P3H1: variants seen among roughly 807,000 people sequenced by gnomAD.
P3H1 encodes the protein prolyl 3-hydroxylase 1.
In P3H1, 69 loss-of-function variants were observed where a neutral mutation model predicts 84.0. That is an observed-to-expected ratio of 0.82 (90% CI 0.68 to 1.00). P3H1 has a LOEUF of 1.00. P3H1 is among the 50% of genes least tolerant of loss of function. P3H1 has a pLI of 0.00. For synonymous variants in P3H1, 366 were observed against 388.8 expected (o/e 0.94, Z 0.69); for missense variants, 878 against 962.8 (o/e 0.91, Z 1.17).
chr1:42,758,793 A>C (rs1294883087), intron 4 of P3H1, 59 bp downstream of exon 4: 1 of 1,601,500 alleles, frequency 6.2e-7, no homozygotes, highest in Non-Finnish European at 8.6e-7. Context: ...ATCCCTGCCC[A>C]CCTTGCCTTT....
At position 42,754,820 on chromosome 1, in the gene P3H1, C is replaced by T. The variant is rs774411813; in HGVS notation, c.1345+49G>A. ...TGCCTGGCAAATGTGGGGTGACCTG[C>T]CTGGCTCCCTGACAACAGCCAGACA... On this transcript the variant is annotated intron_variant, in intron 8 of 14. Coordinates refer to ENST00000296388, the MANE Select transcript of P3H1 (RefSeq NM_022356.4). The surrounding 1 kb of genome is among the most constrained non-coding windows in gnomAD (Gnocchi z 4.0). The T allele has an allele frequency of 1.2e-6, 2 of 1,613,368 alleles. No homozygotes were observed. The highest frequency in any genetic ancestry group is 2.2e-5 in the South Asian group (2 of 90,978).
intron 12 of P3H1, among the ~76,000 whole-genome samples, 160 bp downstream of exon 12, chr1:42,748,040 A>T (rs1363272317): frequency 6.6e-6 from 1 of 152,098 alleles, no homozygotes; most frequent in African/African-American, 2.4e-5. Flanking sequence ...CTCTTTGCCT[A>T]TCTTCTTATC....
Position 42,747,791 on chromosome 1 carries a change from G to C in P3H1, c.1846C>G (p.Leu616Val). 6.2e-7 allele frequency: 1 copy of C among 1,614,158 alleles called. No homozygotes were observed. Among genetic ancestry groups the C allele is most frequent in the Non-Finnish European group, 8.5e-7 (1 of 1,180,014 alleles). ...CCATCGAAGTCCCCATTTAGGTAAA[G>C]GATGGCGCTGGGAAAGGCAGAGACA... is the stretch of plus-strand genomic sequence containing the variant. ...AYTFRDYSAI[L>V]YLNGDFDGGN... Residue 616 changes from leucine (L) to valine (V), a missense_variant, in exon 13 of 15, where the codon CTT (leucine) becomes GTT (valine). Coordinates refer to ENST00000296388, the MANE Select transcript of P3H1 (RefSeq NM_022356.4).
In P3H1 at chr1:42,750,657, G is replaced by A. The variant is rs1179616079; in HGVS notation, c.1570-321C>T. Among the ~76,000 whole-genome samples, 2 of 114,732 alleles carry A rather than the reference G, an allele frequency of 1.7e-5. 1 individual carries two copies. Among genetic ancestry groups the A allele is most frequent in the Non-Finnish European group, 3.6e-5 (2 of 55,654 alleles). 75.3% of individuals were successfully genotyped at this position (114,732 alleles called of 152,430 possible). A position where few individuals can be genotyped will look rare whatever the true frequency, so the allele number is the denominator to read the frequency against. On this transcript the variant is annotated intron_variant, in intron 10 of 14. Coordinates refer to ENST00000296388, the MANE Select transcript of P3H1 (RefSeq NM_022356.4). ...CCCGTCCGGGAGGGAGGCCGGGGGG[G>A]GTGGTCGGCCAGCCGCCCCGTCCGG...
intron 5 of P3H1, among the ~76,000 whole-genome samples, chr1:42,756,185 A>T (rs1420529888): frequency 6.6e-6 from 1 of 152,170 alleles, no homozygotes; most frequent in East Asian, 1.9e-4. Flanking sequence ...AGTCAAACCC[A>T]GGTCTTCTGT....
At chr1:42,747,565 G>C (rs1557559462) in intron 13 of P3H1, 153 bp from the exon 14 acceptor site, 1 of 1,092,530 alleles carries the variant, frequency 9.2e-7, no homozygotes, top group Non-Finnish European at 1.4e-6. Flanking sequence ...TGACTGGTTA[G>C]AGGAGTGATG....
Position 42,746,629 on chromosome 1 carries a change from G to A in P3H1, c.*68C>T. 3.7e-6 allele frequency: 5 copies of A among 1,346,368 alleles called. No homozygotes were observed. The highest frequency in any genetic ancestry group is 5.2e-6 in the Non-Finnish European group (5 of 961,832). 83.4% of individuals were successfully genotyped at this position (1,346,368 alleles called of 1,614,324 possible). ...ACTGCTCTGCAGCCCCGAGGGGCTG[G>A]CCAGCTCAGAGTGCAGAAGAGTTCC... On this transcript the variant is annotated 3_prime_UTR_variant, in exon 15 of 15. Coordinates refer to ENST00000296388, the MANE Select transcript of P3H1 (RefSeq NM_022356.4).
At chr1:42,766,424 C>T in intron 1 of P3H1, 83 bp downstream of exon 1, 1 of 1,269,912 alleles carries the variant, frequency 7.9e-7, no homozygotes, top group Non-Finnish European at 1.1e-6. Flanking sequence ...GACACTTCCC[C>T]GATCCCCCAA....
intron 1 of P3H1, among the ~76,000 whole-genome samples, chr1:42,764,180 T>A (rs1445253755): frequency 1.3e-5 from 2 of 151,890 alleles, no homozygotes; most frequent in East Asian, 3.9e-4. Flanking sequence ...ATCCCGCACT[T>A]TGGGAGGCCG....
In P3H1 at chr1:42,750,712, C is replaced by T. The variant is rs1359498599; in HGVS notation, c.1570-376G>A. ...GAGGTGGGGGGGTCAGCCCCCCGCC[C>T]GGCCGGCCGCCCTGTCCGGGAGGTG... is the stretch of plus-strand genomic sequence containing the variant. On this transcript the variant is annotated intron_variant, in intron 10 of 14. Coordinates refer to ENST00000296388, the MANE Select transcript of P3H1 (RefSeq NM_022356.4). Among the ~76,000 whole-genome samples the T allele has an allele frequency of 3.9e-3, 471 of 119,764 alleles. 9 individuals are homozygous for T. Among genetic ancestry groups the T allele is most frequent in the African/African-American group, 0.016 (441 of 27,950 alleles). The allele number at this position is 119,764 out of a possible 152,430, so 78.6% of individuals were successfully genotyped here.
intron 10 of P3H1, 66 bp from the exon 11 acceptor site, chr1:42,750,402 C>A (rs1412711407): frequency 4.5e-6 from 7 of 1,568,350 alleles, no homozygotes. Context: ...TGTCCCTACC[C>A]AAATCTTATC....
chr1:42,748,368 T>C (rs1391140851), intron 11 of P3H1, 51 bp from the exon 12 acceptor site: 17 of 1,364,696 alleles, frequency 1.2e-5, no homozygotes, highest in Non-Finnish European at 1.6e-5. Context: ...GGAGACGGCA[T>C]AGCTCTCTTC....
rs528960354 is a variant in P3H1 at position 42,766,859 on chromosome 1, A to G, written c.113T>C (p.Leu38Pro). The stretch of plus-strand genomic sequence containing the variant: ...GTAGGCTGCGGTCCCCTCGGCGAAG[A>G]GCAGATCAGGCGTCACCATGCCCCA... ...AGWGMVTPDL[L>P]FAEGTAAYAR... The change falls in exon 1 of 15, where the codon CTC becomes CCC. Residue 38 changes from leucine to proline, a missense_variant. By Grantham distance (98) the Leu-to-Pro change is moderately conservative (BLOSUM62 -3). Coordinates refer to ENST00000296388, the MANE Select transcript of P3H1 (RefSeq NM_022356.4). The G allele has an allele frequency of 6.8e-6, 11 of 1,606,820 alleles. No individual in the cohort carries two copies. In the African/African-American group the frequency reaches 1.2e-4, roughly 18 times the overall value.
chr1:42,763,050 A>T (rs1436217291), intron 1 of P3H1, among the ~76,000 whole-genome samples: 1 of 151,540 alleles, frequency 6.6e-6, no homozygotes, highest in East Asian at 1.9e-4. Flanking sequence ...GTGCCACAGC[A>T]CTCCAGCTTG....
In P3H1 at chr1:42,766,523, T is replaced by C; in HGVS notation, c.449A>G (p.Gln150Arg). 6.2e-7 allele frequency: 1 copy of C among 1,611,576 alleles called. No homozygotes were observed. Among genetic ancestry groups the C allele is most frequent in the Non-Finnish European group, 8.5e-7 (1 of 1,179,310 alleles). Residue 150 changes from glutamine (Q) to arginine (R), a missense_variant, in exon 1 of 15, where the codon CAG (glutamine) becomes CGG (arginine). Physicochemically the swap from Gln to Arg is conservative, Grantham distance 43 (BLOSUM62 1). Coordinates refer to ENST00000296388, the MANE Select transcript of P3H1 (RefSeq NM_022356.4). ...FRKRSPYNYL[Q>R]VAYFKINKLE... The stretch of plus-strand genomic sequence containing the variant: ...GGTCTGCACCTTGAAGTAGGCGACC[T>C]GCAGGTAGTTGTAGGGGCTCCGCTT...
At chr1:42,751,835 C>G (rs967757705) in intron 10 of P3H1, 1 of 238,744 alleles carries the variant, frequency 4.2e-6, no homozygotes, top group East Asian at 9.8e-5. Flanking sequence ...CAACGCCCCT[C>G]TTTAGGGGCC....
intron 5 of P3H1, among the ~76,000 whole-genome samples, chr1:42,756,638 A>G (rs537189841): frequency 4.6e-5 from 7 of 152,310 alleles, no homozygotes; most frequent in African/African-American, 1.4e-4. Context: ...TCTGTCACCA[A>G]ATGCTATGTT....
At position 42,767,006 on chromosome 1, in the gene P3H1, C is replaced by A. The variant is rs769817095; in HGVS notation, c.-35G>T. 3.4e-5 allele frequency: 55 copies of A among 1,598,144 alleles called. No homozygotes were observed. In the African/African-American group the frequency reaches 7.4e-4, roughly 21 times the overall value. ...AGACCTAACGGAACCGCCAGCCACC[C>A]GCCACCAAGGCCGGAGTCCTACCCC... On this transcript the variant is annotated 5_prime_UTR_variant, in exon 1 of 15. Coordinates refer to ENST00000296388, the MANE Select transcript of P3H1 (RefSeq NM_022356.4).
Position 42,752,344 on chromosome 1 carries a change from T to C in P3H1, c.1499A>G (p.Tyr500Cys). Residue 500 changes from tyrosine to cysteine, a missense_variant, in exon 10 of 15, where the codon TAC becomes TGC. Transcript: ENST00000296388. ...AGTATGTGGGGAGGTCTGACCCCGG[T>C]AGCCATCTCCTGAGGTTGCTGCCAC... ...TNVAATSGDG[Y>C]RGQTSPHTPN... 2 of 1,614,086 alleles carry C rather than the reference T, an allele frequency of 1.2e-6. No homozygotes were observed. The highest frequency in any genetic ancestry group is 1.7e-6 in the Non-Finnish European group (2 of 1,180,006).
Sources: allele counts gnomAD v4.1 joint callset (sites outside exome capture counted in the v4.1 genomes callset), GRCh38; gene constraint gnomAD v4.1.1; non-coding constraint Gnocchi (gnomAD v3.1); transcripts MANE v1.5; gene names NCBI Gene and HGNC (gene_info 2026-07-23, HGNC 2026-07-21).